Variants in TCF12 observed in about 807,000 individuals in gnomAD.
TCF12 encodes transcription factor 12.
A neutral mutation model predicts 86.0 loss-of-function variants in TCF12; 45 were observed. The observed-to-expected ratio is 0.52, with a 90% CI of 0.41 to 0.67. TCF12 has a LOEUF of 0.67. Ranked by LOEUF, TCF12 falls within the 30% of genes least tolerant of loss-of-function variation. TCF12 has a pLI of 0.00. For missense variants in TCF12, 881 were observed against 859.9 expected, an observed-to-expected ratio of 1.02 and a Z score of -0.31; for synonymous variants, 330 against 299.6, an observed-to-expected ratio of 1.10 and a Z score of -1.05.
At chr15:57,276,139 A>G (rs935416201) in intron 19 of TCF12, among the ~76,000 whole-genome samples, 23 of 152,194 alleles carry the variant, frequency 1.5e-4, no homozygotes, top group African/African-American at 5.3e-4. Flanking sequence ...TTCTTTTGAT[A>G]ATTTAGTGAT....
intron 3 of TCF12, among the ~76,000 whole-genome samples, chr15:56,953,695 C>T (rs968685118): frequency 2.0e-5 from 3 of 151,876 alleles, no homozygotes; most frequent in Admixed American, 6.6e-5. Context: ...TATAAGTTGT[C>T]GAATATATTA....
In TCF12 at chr15:57,170,805, ATT is replaced by A. The variant is rs58751405; in HGVS notation, c.390+4357_390+4358del. ...TATATATATATAATATATATATATA[ATT>A]TTTTTTTTTTTTTTTTTAGAGATGG... is the stretch of plus-strand genomic sequence containing the variant. On this transcript the variant is annotated intron_variant, in intron 6 of 20. Transcript: ENST00000333725. Among the ~76,000 whole-genome samples the A allele has an allele frequency of 0.019, 1,000 of 51,282 alleles. 85 individuals are homozygous for A. In the East Asian group the frequency reaches 0.23, roughly 12 times the overall value. 33.6% of individuals were successfully genotyped at this position (51,282 alleles called of 152,430 possible).
At chr15:57,028,801 CT>C (rs529075441) in intron 3 of TCF12, among the ~76,000 whole-genome samples, 9 of 148,202 alleles carry the variant, frequency 6.1e-5, no homozygotes, top group African/African-American at 1.5e-4. Flanking sequence ...ATATGTAGTC[CT>C]TTTTTTTTTC....
intron 3 of TCF12, among the ~76,000 whole-genome samples, chr15:56,987,404 C>T (rs1175035766): frequency 2.6e-5 from 4 of 152,112 alleles, no homozygotes; most frequent in East Asian, 1.9e-4. Context: ...CTTGAGCCAC[C>T]GTGCCTGGCC....
intron 8 of TCF12, among the ~76,000 whole-genome samples, chr15:57,220,395 T>C (rs1188307484): frequency 6.6e-6 from 1 of 152,188 alleles, no homozygotes; most frequent in Non-Finnish European, 1.5e-5. Context: ...ATTTCCTGTT[T>C]AGAGTTTCAG....
chr15:57,128,055 C>T (rs551017181), intron 5 of TCF12, among the ~76,000 whole-genome samples: 4 of 152,204 alleles, frequency 2.6e-5, no homozygotes, highest in African/African-American at 9.6e-5. Flanking sequence ...ATGACTGACT[C>T]ATTTGGAGGG....
At chr15:57,225,351 TGCCTCA>T (rs2058826113) in intron 8 of TCF12, among the ~76,000 whole-genome samples, 1 of 149,314 alleles carries the variant, frequency 6.7e-6, no homozygotes, top group African/African-American at 2.5e-5. Flanking sequence ...ATCATTCTCC[TGCCTCA>T]GCCTCCTGAC....
intron 3 of TCF12, among the ~76,000 whole-genome samples, chr15:56,985,122 A>G (rs1417051584): frequency 6.6e-6 from 1 of 152,186 alleles, no homozygotes; most frequent in Non-Finnish European, 1.5e-5. Context: ...CTGAACAAAC[A>G]TTATTTCATG....
chr15:56,954,395 C>T (rs1477095557), intron 3 of TCF12, among the ~76,000 whole-genome samples: 3 of 152,130 alleles, frequency 2.0e-5, no homozygotes, highest in Non-Finnish European at 4.4e-5. Flanking sequence ...GGATCTCTTC[C>T]TTAACACCTT....
rs2051336229 is a variant in TCF12 at position 57,122,862 on chromosome 15, G to GA, written c.325+30977dup. Among the ~76,000 whole-genome samples, 3 of 152,072 alleles carry GA rather than the reference G, an allele frequency of 2.0e-5. No individual in the cohort carries two copies. In the South Asian group the frequency reaches 6.2e-4, roughly 31 times the overall value. On this transcript the variant is annotated intron_variant, in intron 5 of 20. Transcript: ENST00000333725. ...AATTAGGATGTGTTCATTAGTTGTAGAAAAAATTGAACAGAGATTTGAAAG... is the reference window on the plus strand; with the variant it reads ...AATTAGGATGTGTTCATTAGTTGTAGAAAAAAATTGAACAGAGATTTGAAAG...
At chr15:57,060,872 A>G (rs2068410675) in intron 3 of TCF12, among the ~76,000 whole-genome samples, 1 of 152,074 alleles carries the variant, frequency 6.6e-6, no homozygotes, top group Non-Finnish European at 1.5e-5. Context: ...TTCCTGTCAT[A>G]TTTCTGTGTT....
chr15:57,197,228 C>G (rs1447578984), intron 7 of TCF12, among the ~76,000 whole-genome samples: 1 of 133,208 alleles, frequency 7.5e-6, no homozygotes, highest in Non-Finnish European at 1.5e-5. Context: ...GCCATCTTGG[C>G]TCACTGCAAC....
chr15:57,231,019 C>T, intron 8 of TCF12, 133 bp from the exon 9 acceptor site: 1 of 583,690 alleles, frequency 1.7e-6, no homozygotes, highest in Non-Finnish European at 3.0e-6. Flanking sequence ...AGGCAGTATT[C>T]TTTTCATTTG....
At chr15:57,037,834 C>T (rs979324315) in intron 3 of TCF12, among the ~76,000 whole-genome samples, 3 of 152,132 alleles carry the variant, frequency 2.0e-5, no homozygotes, top group Admixed American at 6.5e-5. Flanking sequence ...AACCAGTGTT[C>T]CTTTTTCAGG....
chr15:57,059,057 A>T (rs956082588), intron 3 of TCF12, among the ~76,000 whole-genome samples: 1 of 152,242 alleles, frequency 6.6e-6, no homozygotes, highest in Non-Finnish European at 1.5e-5. Flanking sequence ...TCTTTCATCA[A>T]ATCATTTATT....
intron 6 of TCF12, among the ~76,000 whole-genome samples, chr15:57,179,084 T>A (rs1303292982): frequency 2.0e-5 from 3 of 152,182 alleles, no homozygotes; most frequent in Admixed American, 6.5e-5. Context: ...TAAAATTTCC[T>A]ATTGCGACTA....
Position 57,273,185 on chromosome 15 carries a change from G to C in TCF12, c.1901G>C (p.Ser634Thr), listed in dbSNP as rs1452402188. ...CGAATGTGTCAGCTTCACTTGAAGA[G>C]TGAAAAACCCCAAACAAAACTCCTT... ...LGRMCQLHLKSEKPQTKLLIL... is the reference protein window; with the variant it reads ...LGRMCQLHLKTEKPQTKLLIL... Residue 634 changes from serine to threonine, a missense_variant, in exon 19 of 21, where the codon AGT (serine) becomes ACT (threonine). Physicochemically the swap from Ser to Thr is moderately conservative, Grantham distance 58. This residue lies in a region of TCF12 where 46 missense variants were observed against 76.7 expected (regional missense o/e 0.60). Transcript: ENST00000333725. 6.2e-7 allele frequency: 1 copy of C among 1,614,204 alleles called. No homozygotes were observed.
At position 57,170,639 on chromosome 15, in the gene TCF12, TATAATA is replaced by T. The variant is rs1567557045; in HGVS notation, c.390+4174_390+4179del. 8.1e-5 allele frequency among the ~76,000 whole-genome samples: 3 copies of T among 37,076 alleles called. No individual in the cohort carries two copies. The Admixed American group carries it at 1.2e-3, about 15-fold the overall frequency. 24.3% of individuals were successfully genotyped at this position (37,076 alleles called of 152,430 possible). ...ATGCCCTGCTAATTTTATATATATA[TATAATA>T]TATATATTATATAAAATATATATAT... On this transcript the variant is annotated intron_variant, in intron 6 of 20. Transcript: ENST00000333725.
At chr15:57,028,893 G>A (rs2065980153) in intron 3 of TCF12, among the ~76,000 whole-genome samples, 1 of 151,986 alleles carries the variant, frequency 6.6e-6, no homozygotes, top group Admixed American at 6.5e-5. Flanking sequence ...CTCCCTCCCG[G>A]TTCAAGCGAT....
Sources: allele counts gnomAD v4.1 joint callset (sites outside exome capture counted in the v4.1 genomes callset), GRCh38; gene constraint gnomAD v4.1.1; regional missense constraint gnomAD v4.1.1; transcripts MANE v1.5; gene names NCBI Gene and HGNC (gene_info 2026-07-23, HGNC 2026-07-21).